The following SYT7 variants were observed in gnomAD, a reference collection of about 807,000 sequenced individuals.
SYT7 encodes the protein synaptotagmin 7, also known as synaptotagmin-7.
A neutral mutation model predicts 75.1 loss-of-function variants in SYT7; 29 were observed. That is an observed-to-expected ratio of 0.39 (90% confidence interval 0.29 to 0.53). The LOEUF (loss-of-function observed/expected upper bound fraction) is 0.53, where lower values mean the gene tolerates loss of function less well. Ranked by LOEUF, SYT7 falls within the 20% of genes least tolerant of loss-of-function variation. The pLI, the probability that SYT7 is intolerant of heterozygous loss-of-function variation, is 0.77. For missense variants in SYT7, 693 were observed against 953.2 expected, an observed-to-expected ratio of 0.73 and a Z score of 3.59; for synonymous variants, 376 against 401.7, an observed-to-expected ratio of 0.94 and a Z score of 0.76.
rs938993382 is a variant in SYT7, at chr11:61,514,813, G to A, written c.*3814C>T. Among the ~76,000 whole-genome samples, 5 of 152,210 alleles carry A rather than the reference G, an allele frequency of 3.3e-5. No homozygotes were observed. Among genetic ancestry groups the A allele is most frequent in the Non-Finnish European group, 7.3e-5 (5 of 68,036 alleles). ...TAGAAGAGGGCTGAGAGAAGCCGCA[G>A]GTCCAGCCAACAGACACAGAGCTCA... On this transcript the variant is annotated 3_prime_UTR_variant, in exon 13 of 13. Coordinates refer to ENST00000539008, the MANE Select transcript of SYT7 (RefSeq NM_001365809.2).
At position 61,546,139 on chromosome 11, in the gene SYT7, C is replaced by T. The variant is rs1260415415; in HGVS notation, c.464G>A (p.Arg155Lys). 6.5e-7 allele frequency: 1 copy of T among 1,529,544 alleles called. No homozygotes were observed. Among genetic ancestry groups the T allele is most frequent in the South Asian group, 1.2e-5 (1 of 83,580 alleles). 94.7% of individuals were successfully genotyped at this position (1,529,544 alleles called of 1,614,324 possible). The change falls in exon 5 of 13, where the codon AGA becomes AAA. Residue 155 changes from arginine to lysine, a missense_variant. Arg to Lys is a conservative substitution (Grantham distance 26, BLOSUM62 2). Around this residue, in one of 2 missense-constraint regions of SYT7, gnomAD observed 487 missense variants for 593.2 expected, o/e 0.82. Transcript: ENST00000539008. The surrounding 1 kb of genome is among the most constrained non-coding windows in gnomAD (Gnocchi z 7.6). ...CTCGCTGGGGGCAGCCCCGCCGCTT[C>T]TCAAGGCGTCCTCTCCGGGTGGCGG... ...PVPPPGEDAL[R>K]SGGAAPSEPG...
At chr11:61,584,854 G>C (rs941220607), upstream of SYT7, among the ~76,000 whole-genome samples, 3 of 152,238 alleles carry the variant, frequency 2.0e-5, no homozygotes, top group African/African-American at 7.2e-5. Context: ...GAGCCTCTGG[G>C]CATTCAGCTT....
intron 1 of SYT7, among the ~76,000 whole-genome samples, chr11:61,577,856 G>A (rs1033282669): frequency 3.3e-5 from 5 of 152,174 alleles, no homozygotes; most frequent in African/African-American, 1.2e-4. Context: ...CCAGCTCACT[G>A]CAAGGTCACC....
intron 1 of SYT7, among the ~76,000 whole-genome samples, chr11:61,561,796 T>C (rs575969705): frequency 1.3e-5 from 2 of 152,194 alleles, no homozygotes; most frequent in Non-Finnish European, 2.9e-5. Context: ...AGAAAGGGGC[T>C]GTATCTGCTT....
In SYT7 at chr11:61,527,858, G is replaced by A. The variant is rs2062571075; in HGVS notation, c.1471+57C>T. ...ATGTGGCCACAAGTGTGGTTGGGTA[G>A]GGGGATGGTAGACAGCAAGAGGTGA... On this transcript the variant is annotated intron_variant, in intron 9 of 12. Coordinates refer to ENST00000539008, the MANE Select transcript of SYT7 (RefSeq NM_001365809.2). The A allele has an allele frequency of 2.2e-5, 35 of 1,591,662 alleles. No individual in the cohort carries two copies. The South Asian group carries it at 3.6e-4, about 16-fold the overall frequency.
Position 61,580,680 on chromosome 11 carries a change from C to A in SYT7, c.31+110G>T, listed in dbSNP as rs907909739. The A allele has an allele frequency of 2.8e-6, 2 of 720,166 alleles. No individual in the cohort carries two copies. The highest frequency in any genetic ancestry group is 3.7e-6 in the Non-Finnish European group (2 of 533,690). 44.6% of individuals were successfully genotyped at this position (720,166 alleles called of 1,614,324 possible). On this transcript the variant is annotated intron_variant, in intron 1 of 12. Coordinates refer to ENST00000539008, the MANE Select transcript of SYT7 (RefSeq NM_001365809.2). The surrounding 1 kb of genome is among the most constrained non-coding windows in gnomAD (Gnocchi z 6.1). ...GGGATGACCCCTGGGGGAGCCCGTGCGGCTCCGGGCGGACAACAGCCCCAG... is the reference window on the plus strand; with the variant it reads ...GGGATGACCCCTGGGGGAGCCCGTGAGGCTCCGGGCGGACAACAGCCCCAG...
intron 1 of SYT7, among the ~76,000 whole-genome samples, chr11:61,578,494 CA>C (rs2064147501): frequency 6.6e-6 from 1 of 151,808 alleles, no homozygotes; most frequent in Admixed American, 6.6e-5. Flanking sequence ...ACACATAAAT[CA>C]ATTTGCATAT....
At chr11:61,581,455 T>A (rs1390373449), upstream of SYT7, among the ~76,000 whole-genome samples, 1 of 152,192 alleles carries the variant, frequency 6.6e-6, no homozygotes, top group Admixed American at 6.5e-5. Context: ...TCCTCCGAGG[T>A]GCCCTTTGGC....
At chr11:61,527,622 G>A (rs1217110274) in intron 9 of SYT7, among the ~76,000 whole-genome samples, 1 of 152,216 alleles carries the variant, frequency 6.6e-6, no homozygotes, top group African/African-American at 2.4e-5. Flanking sequence ...TGTGATGCTG[G>A]CTCCATTGGG....
intron 7 of SYT7, among the ~76,000 whole-genome samples, chr11:61,537,064 A>G (rs2062889542): frequency 6.6e-6 from 1 of 152,212 alleles, no homozygotes; most frequent in African/African-American, 2.4e-5. Flanking sequence ...TGACTTGCCC[A>G]AGGCTGCAGA....
intron 8 of SYT7, among the ~76,000 whole-genome samples, chr11:61,531,287 G>A (rs990951864): frequency 7.2e-5 from 11 of 152,246 alleles, no homozygotes; most frequent in African/African-American, 2.4e-4. Flanking sequence ...TGCAGCTGTC[G>A]GCCCTTCCCT....
intron 9 of SYT7, chr11:61,525,910 G>A (rs79074162): frequency 0.022 from 3,395 of 152,808 alleles, 76 homozygotes; most frequent in Non-Finnish European, 0.031. Context: ...AGGGGGCCAG[G>A]TGAAGGTCTG....
chr11:61,557,583 T>C (rs1177136756), intron 1 of SYT7, among the ~76,000 whole-genome samples: 1 of 152,158 alleles, frequency 6.6e-6, no homozygotes, highest in Non-Finnish European at 1.5e-5. Flanking sequence ...CACCTCTCCC[T>C]TCCTGACTTC....
intron 6 of SYT7, 137 bp from the exon 7 acceptor site, chr11:61,538,403 G>C: frequency 3.1e-5 from 23 of 730,196 alleles, no homozygotes; most frequent in Non-Finnish European, 3.6e-5. Context: ...GAGAGAGAGA[G>C]ACAGAGACAA....
At chr11:61,547,681 G>GCTCACC (rs2063233370) in intron 3 of SYT7, among the ~76,000 whole-genome samples, 3 of 152,054 alleles carry the variant, frequency 2.0e-5, no homozygotes, top group Admixed American at 6.5e-5. Context: ...TTGGGGATGA[G>GCTCACC]GCCTGGGGTG....
At position 61,542,443 on chromosome 11, in the gene SYT7, C is replaced by A; in HGVS notation, c.709G>T (p.Gly237Cys). 6.5e-7 allele frequency: 1 copy of A among 1,532,734 alleles called. No homozygotes were observed. Among genetic ancestry groups the A allele is most frequent in the Middle Eastern group, 2.2e-4 (1 of 4,556 alleles). 94.9% of individuals were successfully genotyped at this position (1,532,734 alleles called of 1,614,324 possible). A position where few individuals can be genotyped will look rare whatever the true frequency, so the allele number is the denominator to read the frequency against. ...GTGGTGGGCTGGCTGGGCTGCCGGCCCCGCTGGTGCTGGCTCAGCGGCTGT... is the reference window on the plus strand; with the variant it reads ...GTGGTGGGCTGGCTGGGCTGCCGGCACCGCTGGTGCTGGCTCAGCGGCTGT... The part of the protein sequence containing the change: ...LQQPLSQHQR[G>C]RQPSQPTTSQ... Residue 237 changes from glycine to cysteine, a missense_variant, in exon 6 of 13, where the codon GGC becomes TGC. Around this residue, in one of 2 missense-constraint regions of SYT7, gnomAD observed 487 missense variants for 593.2 expected, o/e 0.82. Transcript: ENST00000539008. The surrounding 1 kb of genome is among the most constrained non-coding windows in gnomAD (Gnocchi z 7.8).
chr11:61,551,257 G>GC lies in SYT7; in HGVS notation c.215+126dup. 5 of 887,962 alleles carry GC rather than the reference G, an allele frequency of 5.6e-6. No individual in the cohort carries two copies. Among genetic ancestry groups the GC allele is most frequent in the Non-Finnish European group, 8.9e-6 (5 of 563,172 alleles). The allele number at this position is 887,962 out of a possible 1,614,324, so 55.0% of individuals were successfully genotyped here. A position where few individuals can be genotyped will look rare whatever the true frequency, so the allele number is the denominator to read the frequency against. On this transcript the variant is annotated intron_variant, in intron 3 of 12. Transcript: ENST00000539008. This position sits in a 1 kb window ranked among gnomAD's most constrained non-coding sequence, Gnocchi z 5.3. ...TGGGGGTGTGTGGAGGGTGTAGAGAGCATGGCATCGGGGTGTGGGGGAAGT... is the reference window on the plus strand; with the variant it reads ...TGGGGGTGTGTGGAGGGTGTAGAGAGCCATGGCATCGGGGTGTGGGGGAAGT...
intron 1 of SYT7, among the ~76,000 whole-genome samples, chr11:61,562,221 C>T (rs917137342): frequency 1.3e-5 from 2 of 152,172 alleles, no homozygotes; most frequent in African/African-American, 2.4e-5. Context: ...ATTAATTTCT[C>T]CTGCCTCTGA....
At chr11:61,554,735 G>A (rs2063447484) in intron 2 of SYT7, among the ~76,000 whole-genome samples, 1 of 152,178 alleles carries the variant, frequency 6.6e-6, no homozygotes, top group South Asian at 2.1e-4. Context: ...GAAATTCTGA[G>A]ACAGACGCAG....
Sources: gnomAD v4.1 joint callset for allele counts (sites outside exome capture counted in the v4.1 genomes callset) on GRCh38, gnomAD v4.1.1 for gene constraint, gnomAD v4.1.1 regional missense constraint, Gnocchi (gnomAD v3.1) non-coding constraint, MANE v1.5 for transcripts, NCBI Gene and HGNC (gene_info 2026-07-23, HGNC 2026-07-21) for gene names.